The following BTAF1 variants were observed in gnomAD, a reference collection of about 807,000 sequenced individuals.
BTAF1 encodes B-TFIID TATA-box binding protein associated factor 1, also known as TATA-binding protein-associated factor 172.
Under a neutral mutation model 227.1 loss-of-function variants are expected in BTAF1, and 38 were observed. The observed-to-expected ratio is 0.17, with a 90% CI of 0.13 to 0.22. The LOEUF is 0.22. Ranked by LOEUF, BTAF1 falls within the 10% of genes least tolerant of loss-of-function variation. The pLI, the probability that BTAF1 is intolerant of heterozygous loss-of-function variation, is 1.00. For synonymous variants in BTAF1, 742 were observed against 751.9 expected, an observed-to-expected ratio of 0.99 and a Z score of 0.21; for missense variants, 1,598 against 2,204.0, an observed-to-expected ratio of 0.73 and a Z score of 5.51.
At chr10:91,994,448 G>C (rs1346602854) in intron 22 of BTAF1, 87 bp from the exon 23 acceptor site, 3 of 904,398 alleles carry the variant, frequency 3.3e-6, no homozygotes, top group Non-Finnish European at 5.1e-6. Context: ...ACTCTCCTAT[G>C]CTAGCTGAAA....
chr10:92,008,031 C>A, intron 25 of BTAF1, 92 bp from the exon 26 acceptor site: 3 of 1,215,340 alleles, frequency 2.5e-6, no homozygotes, highest in Non-Finnish European at 3.5e-6. Context: ...TTTCAGAATT[C>A]TTTTTTCTGT....
rs142377462 is a variant in BTAF1 at position 91,926,627 on chromosome 10, T to A, written c.14+2537T>A. 1.4e-4 allele frequency among the ~76,000 whole-genome samples: 22 copies of A among 152,290 alleles called. No individual in the cohort carries two copies. In the East Asian group the frequency reaches 3.3e-3, roughly 23 times the overall value. ...TCACTGTAAAGCTACATCCAATCTT[T>A]TGAAAATACACACTCAACCCTAGGA... On this transcript the variant is annotated intron_variant, in intron 1 of 37. Transcript: ENST00000265990.
chr10:92,013,384 A>G (rs534141480), intron 30 of BTAF1, among the ~76,000 whole-genome samples: 2 of 152,228 alleles, frequency 1.3e-5, no homozygotes, highest in South Asian at 2.1e-4. Context: ...CTGCTCTTCT[A>G]TTTAGTACTT....
Position 91,989,367 on chromosome 10 carries a change from T to C in BTAF1, c.2641T>C (p.Leu881=), listed in dbSNP as rs1222168645. The change falls in exon 20 of 38, where the codon TTA becomes CTA. Residue 881 remains leucine (L), a synonymous_variant. Coordinates refer to ENST00000265990, the MANE Select transcript of BTAF1 (RefSeq NM_003972.3). ...GAAATTAAATCCTATCATAAAACCA[T>C]TAATGGAGACAATTAAAAAAGAAGA... ...PEKLNPIIKP[L]METIKKEENT... 1 of 1,614,176 alleles carries C rather than the reference T, an allele frequency of 6.2e-7. No individual in the cohort carries two copies. The highest frequency in any genetic ancestry group is 1.7e-5 in the Admixed American group (1 of 60,024).
At chr10:91,935,809 A>G (rs766110836) in intron 2 of BTAF1, 29 bp downstream of exon 2, 3 of 1,561,268 alleles carry the variant, frequency 1.9e-6, no homozygotes, top group African/African-American at 2.7e-5. Context: ...CTTTTAGCAT[A>G]ATACAATTGT....
intron 1 of BTAF1, among the ~76,000 whole-genome samples, chr10:91,927,955 A>T (rs1269079016): frequency 1.4e-5 from 2 of 143,892 alleles, no homozygotes; most frequent in African/African-American, 2.5e-5. Flanking sequence ...TTCAGTGAGT[A>T]CTTTTGAGTT....
At chr10:92,025,445 A>T (rs35535933) in intron 35 of BTAF1, among the ~76,000 whole-genome samples, 25,990 of 146,986 alleles carry the variant, frequency 0.18, 2,993 homozygotes, top group African/African-American at 0.35. Flanking sequence ...TTTTTTTTTA[A>T]AAAAAAAATG....
intron 1 of BTAF1, among the ~76,000 whole-genome samples, chr10:91,927,842 T>G (rs750327106): frequency 6.6e-6 from 1 of 152,216 alleles, no homozygotes; most frequent in Non-Finnish European, 1.5e-5. Context: ...ACTAGCTGAC[T>G]TTCCAGCATC....
chr10:91,964,283 T>G, intron 13 of BTAF1, 82 bp downstream of exon 13: 1 of 1,441,898 alleles, frequency 6.9e-7, no homozygotes, highest in Non-Finnish European at 9.4e-7. Flanking sequence ...TAACAATATT[T>G]TAGCACCTTT....
chr10:92,001,995 C>T (rs866945610), intron 25 of BTAF1, among the ~76,000 whole-genome samples: 1 of 105,564 alleles, frequency 9.5e-6, no homozygotes, highest in African/African-American at 2.8e-5. Flanking sequence ...TACACACACA[C>T]ACACACACAC....
intron 25 of BTAF1, among the ~76,000 whole-genome samples, chr10:92,007,190 T>C (rs1398995256): frequency 6.7e-6 from 1 of 150,316 alleles, no homozygotes; most frequent in African/African-American, 2.4e-5. Context: ...TTTTTACTGC[T>C]CTATCAAGGT....
chr10:91,960,931 T>C (rs1467936565), intron 11 of BTAF1, among the ~76,000 whole-genome samples: 1 of 152,226 alleles, frequency 6.6e-6, no homozygotes, highest in East Asian at 1.9e-4. Flanking sequence ...CTATTTCATA[T>C]ATAAATATAT....
At chr10:91,948,901 G>C (rs997670077) in intron 4 of BTAF1, among the ~76,000 whole-genome samples, 9 of 152,086 alleles carry the variant, frequency 5.9e-5, no homozygotes, top group African/African-American at 2.2e-4. Context: ...GTGAGCCACT[G>C]TACCCAGTCT....
In BTAF1 at chr10:91,984,375, G is replaced by A; in HGVS notation, c.2398G>A (p.Val800Ile). 2 of 1,611,930 alleles carry A rather than the reference G, an allele frequency of 1.2e-6. No individual in the cohort carries two copies. Among genetic ancestry groups the A allele is most frequent in the Non-Finnish European group, 8.5e-7 (1 of 1,179,198 alleles). ...AGTTGGTAATCGAGTAAACAACAAT[G>A]TTTTAACAATAGATCAAGCTAGTGA... ...IEVGNRVNNN[V>I]LTIDQASDLV... The change falls in exon 19 of 38, where the codon GTT (valine) becomes ATT (isoleucine). Residue 800 changes from valine to isoleucine, a missense_variant. Val to Ile is a conservative substitution (Grantham distance 29). Around this residue, in one of 10 missense-constraint regions of BTAF1, gnomAD observed 318 missense variants for 435.0 expected, o/e 0.73. Coordinates refer to ENST00000265990, the MANE Select transcript of BTAF1 (RefSeq NM_003972.3).
At chr10:91,943,859 AG>A (rs556757331) in intron 4 of BTAF1, among the ~76,000 whole-genome samples, 5 of 152,158 alleles carry the variant, frequency 3.3e-5, no homozygotes, top group Non-Finnish European at 5.9e-5. Context: ...TGTATTTCAA[AG>A]AAAAGCCTGG....
At chr10:92,024,733 T>TTTTTTTGTTTG in intron 34 of BTAF1, 23 bp from the exon 35 acceptor site, 1 of 1,158,082 alleles carries the variant, frequency 8.6e-7, no homozygotes, top group Admixed American at 3.0e-5. Flanking sequence ...GCTTATGTAG[T>TTTTTTTGTTTG]TTTTTTTTTT....
chr10:91,974,007 G>T (rs929351570), intron 14 of BTAF1, among the ~76,000 whole-genome samples: 2 of 152,006 alleles, frequency 1.3e-5, no homozygotes, highest in Non-Finnish European at 2.9e-5. Context: ...ATTTTATACG[G>T]GGACAAAATA....
intron 1 of BTAF1, among the ~76,000 whole-genome samples, chr10:91,926,192 C>G (rs925162394): frequency 6.6e-6 from 1 of 152,156 alleles, no homozygotes; most frequent in African/African-American, 2.4e-5. Flanking sequence ...TTGGTGCAGA[C>G]TCATTTTAAT....
Position 91,982,110 on chromosome 10 carries a change from G to T in BTAF1, c.1933G>T (p.Gly645Cys). ...AAAAACAGGTGGTAAGGTGCGCCAAGGCCAAAGCCAGAATAAAGAAGTACT... is the reference window on the plus strand; with the variant it reads ...AAAAACAGGTGGTAAGGTGCGCCAATGCCAAAGCCAGAATAAAGAAGTACT... Reference protein sequence around the residue: ...KEKTGGKVRQGQSQNKEVLQE... With the variant: ...KEKTGGKVRQCQSQNKEVLQE... Residue 645 changes from glycine to cysteine, a missense_variant, in exon 17 of 38, where the codon GGC becomes TGC. By Grantham distance (159) the Gly-to-Cys change is radical (BLOSUM62 -3). Around this residue, in one of 10 missense-constraint regions of BTAF1, gnomAD observed 318 missense variants for 435.0 expected, o/e 0.73. Transcript: ENST00000265990. 1 of 1,613,518 alleles carries T rather than the reference G, an allele frequency of 6.2e-7. No homozygotes were observed. Among genetic ancestry groups the T allele is most frequent in the Non-Finnish European group, 8.5e-7 (1 of 1,179,706 alleles).
Sources: gnomAD v4.1 joint callset for allele counts (sites outside exome capture counted in the v4.1 genomes callset) on GRCh38, gnomAD v4.1.1 for gene constraint, gnomAD v4.1.1 regional missense constraint, MANE v1.5 for transcripts, NCBI Gene and HGNC (gene_info 2026-07-23, HGNC 2026-07-21) for gene names.